The following BAZ2B variants were observed in gnomAD, a reference collection of about 807,000 sequenced individuals.
BAZ2B encodes bromodomain adjacent to zinc finger domain protein 2B.
Under a neutral mutation model 246.0 loss-of-function variants are expected in BAZ2B, and 91 were observed. That is an observed-to-expected ratio of 0.37 (90% confidence interval 0.31 to 0.44). The LOEUF (loss-of-function observed/expected upper bound fraction) is 0.44. Ranked by LOEUF, BAZ2B falls within the 20% of genes least tolerant of loss-of-function variation. The pLI, the probability that BAZ2B is intolerant of heterozygous loss-of-function variation, is 1.00. For synonymous variants in BAZ2B, 855 were observed against 860.0 expected, an observed-to-expected ratio of 0.99 and a Z score of 0.10; for missense variants, 2,332 against 2,533.7, an observed-to-expected ratio of 0.92 and a Z score of 1.71.
At position 159,402,017 on chromosome 2, in the gene BAZ2B, G is replaced by T. The variant is rs975478061; in HGVS notation, c.2833-1353C>A. Reference sequence around the variant, plus strand: ...TTTTTTAATGTACACTGATGTTATTGATTCCCTGCAGGATTCTACTGCAGG... The same window carrying T: ...TTTTTTAATGTACACTGATGTTATTTATTCCCTGCAGGATTCTACTGCAGG... On this transcript the variant is annotated intron_variant, in intron 16 of 36. Coordinates refer to ENST00000392783, the MANE Select transcript of BAZ2B (RefSeq NM_013450.4). Among the ~76,000 whole-genome samples the T allele has an allele frequency of 6.6e-5, 10 of 152,070 alleles. No homozygotes were observed. In the East Asian group the frequency reaches 1.9e-3, roughly 29 times the overall value.
intron 36 of BAZ2B, among the ~76,000 whole-genome samples, chr2:159,322,376 A>C (rs2062823394): frequency 6.6e-6 from 1 of 152,208 alleles, no homozygotes; most frequent in South Asian, 2.1e-4. Flanking sequence ...TCACCCTGAA[A>C]GGAAACATCA....
chr2:159,677,163 A>G, the BAZ2B span, among the ~76,000 whole-genome samples: 2 of 151,274 alleles, frequency 1.3e-5, no homozygotes, highest in Non-Finnish European at 3.0e-5. Flanking sequence ...AAGGTAATAA[A>G]ATATATAGTT....
intron 2 of BAZ2B, among the ~76,000 whole-genome samples, chr2:159,528,240 C>G (rs2084961285): frequency 6.6e-6 from 1 of 152,016 alleles, no homozygotes; most frequent in Admixed American, 6.6e-5. Flanking sequence ...GGCAGAGACA[C>G]TAGTTAGGGG....
At chr2:159,521,044 AGTAGTC>A (rs2084069570) in intron 2 of BAZ2B, among the ~76,000 whole-genome samples, 2 of 152,106 alleles carry the variant, frequency 1.3e-5, no homozygotes, top group Non-Finnish European at 2.9e-5. Flanking sequence ...TGTAAAAGGT[AGTAGTC>A]TTTAGATTTG....
the BAZ2B span, among the ~76,000 whole-genome samples, chr2:159,653,926 T>C: frequency 6.6e-6 from 1 of 152,144 alleles, no homozygotes; most frequent in African/African-American, 2.4e-5. Context: ...TACTAGATAA[T>C]CTCAAATTCT....
the BAZ2B span, among the ~76,000 whole-genome samples, chr2:159,690,746 C>T: frequency 2.6e-5 from 4 of 152,104 alleles, no homozygotes; most frequent in Non-Finnish European, 5.9e-5. Flanking sequence ...CAATACAAAA[C>T]CAAGTATATA....
intron 36 of BAZ2B, among the ~76,000 whole-genome samples, chr2:159,324,596 C>A (rs2063173624): frequency 6.8e-6 from 1 of 146,788 alleles, no homozygotes. Context: ...TAGTTGGTTT[C>A]TCTTCTATAC....
chr2:159,334,618 GTAT>G (rs541661678), intron 33 of BAZ2B, among the ~76,000 whole-genome samples: 39 of 152,270 alleles, frequency 2.6e-4, no homozygotes, highest in African/African-American at 9.4e-4. Context: ...AGCAAGAAAT[GTAT>G]TATTAAGCAT....
chr2:159,374,880 C>G lies in BAZ2B; in HGVS notation c.4006-127G>C, dbSNP rs112455694. The G allele has an allele frequency of 1.0e-4, 78 of 743,424 alleles. 2 individuals are homozygous for G. Among genetic ancestry groups the G allele is most frequent in the African/African-American group, 9.9e-4 (56 of 56,474 alleles). The allele number at this position is 743,424 out of a possible 1,614,324, so 46.1% of individuals were successfully genotyped here. On this transcript the variant is annotated intron_variant, in intron 25 of 36. Coordinates refer to ENST00000392783, the MANE Select transcript of BAZ2B (RefSeq NM_013450.4). The stretch of plus-strand genomic sequence containing the variant: ...TTAAGACTCAGTTCTTTTCTATAAA[C>G]TAATAATCTGGTAGAGAGATACATA...
chr2:159,673,183 A>G, the BAZ2B span, among the ~76,000 whole-genome samples: 1 of 151,422 alleles, frequency 6.6e-6, no homozygotes, highest in African/African-American at 2.4e-5. Flanking sequence ...TAAAATCCCA[A>G]TAGAAAAATA....
At chr2:159,357,990 G>A (rs187343189) in intron 27 of BAZ2B, among the ~76,000 whole-genome samples, 154 of 152,154 alleles carry the variant, frequency 1.0e-3, no homozygotes, top group African/African-American at 3.5e-3. Flanking sequence ...AGGAAATACC[G>A]GTACCAGCCA....
chr2:159,352,175 T>C (rs1448757998), intron 27 of BAZ2B, among the ~76,000 whole-genome samples: 1 of 152,230 alleles, frequency 6.6e-6, no homozygotes, highest in Non-Finnish European at 1.5e-5. Flanking sequence ...TTTCAGCTTC[T>C]TGAACATGCT....
chr2:159,409,902 C>G (rs1488153736), intron 14 of BAZ2B, among the ~76,000 whole-genome samples: 1 of 152,096 alleles, frequency 6.6e-6, no homozygotes, highest in Non-Finnish European at 1.5e-5. Context: ...CAAGGGTAAA[C>G]TATGTAATTG....
intron 27 of BAZ2B, among the ~76,000 whole-genome samples, chr2:159,372,051 T>C (rs1263994926): frequency 6.6e-6 from 1 of 152,198 alleles, no homozygotes; most frequent in East Asian, 1.9e-4. Flanking sequence ...AGTGATCCCA[T>C]TACTAAAAAC....
the BAZ2B span, among the ~76,000 whole-genome samples, chr2:159,682,872 C>T: frequency 9.9e-5 from 15 of 151,160 alleles, no homozygotes; most frequent in Non-Finnish European, 1.8e-4. Flanking sequence ...ACCATTTCTT[C>T]TCAAGCATCT....
intron 13 of BAZ2B, among the ~76,000 whole-genome samples, chr2:159,415,517 C>G (rs1331625974): frequency 6.6e-6 from 1 of 150,826 alleles, no homozygotes; most frequent in Non-Finnish European, 1.5e-5. Flanking sequence ...AACAAATACA[C>G]TGTTATATTA....
intron 1 of BAZ2B, among the ~76,000 whole-genome samples, chr2:159,570,377 G>T (rs1683699957): frequency 6.6e-6 from 1 of 152,152 alleles, no homozygotes; most frequent in South Asian, 2.1e-4. Context: ...TAGAGACAAG[G>T]TTTCACTGTT....
At chr2:159,576,235 A>G (rs773280985) in intron 1 of BAZ2B, among the ~76,000 whole-genome samples, 9 of 152,116 alleles carry the variant, frequency 5.9e-5, no homozygotes, top group Non-Finnish European at 1.2e-4. Flanking sequence ...AAGTAGAACA[A>G]ATATACCCAC....
chr2:159,403,168 G>C (rs2065359640), intron 16 of BAZ2B, among the ~76,000 whole-genome samples: 1 of 152,072 alleles, frequency 6.6e-6, no homozygotes, highest in South Asian at 2.1e-4. Flanking sequence ...TTTTATTCTA[G>C]ATCAAATGCT....
Sources: gnomAD v4.1 joint callset for allele counts (sites outside exome capture counted in the v4.1 genomes callset) on GRCh38, gnomAD v4.1.1 for gene constraint, MANE v1.5 for transcripts, NCBI Gene and HGNC (gene_info 2026-07-23, HGNC 2026-07-21) for gene names.